The following VAT1L variants were observed in gnomAD, a reference collection of about 807,000 sequenced individuals.
VAT1L encodes putative NADPH-dependent quinone oxidoreductase VAT1L.
VAT1L carries 34 observed loss-of-function variants against 44.1 expected under a neutral mutation model. The observed-to-expected ratio is 0.77, with a 90% CI of 0.59 to 1.03. The LOEUF is 1.03. Among genes scored for constraint, VAT1L ranks in the 50% least tolerant of loss-of-function variants. The probability of loss-of-function intolerance (pLI) is 0.00; values close to 1 mark genes in which losing one functional copy is unlikely to be tolerated. For synonymous variants in VAT1L, 253 were observed against 202.2 expected (o/e 1.25, Z -2.13); for missense variants, 615 against 538.8 (o/e 1.14, Z -1.40).
intron 7 of VAT1L, among the ~76,000 whole-genome samples, chr16:77,951,051 G>A (rs1188333645): frequency 1.3e-5 from 2 of 152,288 alleles, no homozygotes; most frequent in African/African-American, 4.8e-5. Flanking sequence ...CGCGGTCTTG[G>A]CAAAGAAAAT....
intron 1 of VAT1L, among the ~76,000 whole-genome samples, chr16:77,808,872 T>C (rs147772318): frequency 1.7e-3 from 263 of 152,248 alleles, no homozygotes; most frequent in African/African-American, 6.3e-3. Flanking sequence ...GCTGCGATTA[T>C]AGGCGTGAGC....
At chr16:77,863,939 G>A (rs1420519088) in intron 4 of VAT1L, among the ~76,000 whole-genome samples, 1 of 152,198 alleles carries the variant, frequency 6.6e-6, no homozygotes, top group Non-Finnish European at 1.5e-5. Flanking sequence ...AACAATCACT[G>A]GTGGTGCAGA....
chr16:77,866,843 G>A (rs2016979613), intron 4 of VAT1L, among the ~76,000 whole-genome samples: 1 of 152,168 alleles, frequency 6.6e-6, no homozygotes, highest in Non-Finnish European at 1.5e-5. Flanking sequence ...ACCTTGAGTT[G>A]TGTGTACCTA....
intron 7 of VAT1L, among the ~76,000 whole-genome samples, chr16:77,925,316 C>A (rs2017654231): frequency 6.6e-6 from 1 of 152,126 alleles, no homozygotes; most frequent in African/African-American, 2.4e-5. Context: ...AACCATCTAC[C>A]CCTTCTGGTT....
chr16:77,788,777 G>C lies in VAT1L; in HGVS notation c.95G>C (p.Gly32Ala), dbSNP rs562365344. 2 of 1,563,612 alleles carry C rather than the reference G, an allele frequency of 1.3e-6. No individual in the cohort carries two copies. Among genetic ancestry groups the C allele is most frequent in the East Asian group, 2.4e-5 (1 of 42,486 alleles). The change falls in exon 1 of 9, where the codon GGC becomes GCC. Residue 32 changes from glycine (G) to alanine (A), a missense_variant. Coordinates refer to ENST00000302536, the MANE Select transcript of VAT1L (RefSeq NM_020927.3). ...CCGGCGGAGGGCGGCGGCGGCGACG[G>C]CTCGCACCGCCTCGGGGACGCCCAG... ...KEPAEGGGGD[G>A]SHRLGDAQEM...
chr16:77,877,982 T>C (rs2142455119), intron 5 of VAT1L, among the ~76,000 whole-genome samples: 1 of 152,370 alleles, frequency 6.6e-6, no homozygotes, highest in East Asian at 1.9e-4. Flanking sequence ...CAAATGCAGA[T>C]GGACGATGTA....
At chr16:77,903,890 C>T (rs999429116) in intron 7 of VAT1L, among the ~76,000 whole-genome samples, 1 of 151,902 alleles carries the variant, frequency 6.6e-6, no homozygotes, top group Non-Finnish European at 1.5e-5. Context: ...GCGTCCACCA[C>T]CACGCCCAGC....
At position 77,977,934 on chromosome 16, in the gene VAT1L, AAACC is replaced by A. The variant is rs1192186474; in HGVS notation, c.*241_*244del. The stretch of plus-strand genomic sequence containing the variant: ...ACACATTCCCCTCTCCCCTGTATCA[AAACC>A]ATCCATCTGTGGGTTCTTCTTGACA... On this transcript the variant is annotated 3_prime_UTR_variant, in exon 9 of 9. Coordinates refer to ENST00000302536, the MANE Select transcript of VAT1L (RefSeq NM_020927.3). The A allele has an allele frequency of 2.2e-6, 1 of 459,072 alleles. No homozygotes were observed. Among genetic ancestry groups the A allele is most frequent in the Non-Finnish European group, 4.0e-6 (1 of 249,988 alleles). 28.4% of individuals were successfully genotyped at this position (459,072 alleles called of 1,614,324 possible).
intron 4 of VAT1L, among the ~76,000 whole-genome samples, chr16:77,874,299 C>G (rs1019791341): frequency 1.3e-5 from 2 of 152,108 alleles, no homozygotes; most frequent in African/African-American, 4.8e-5. Flanking sequence ...CAGGACCCCA[C>G]TCTCGCAAGA....
At chr16:77,937,681 C>T (rs930301981) in intron 7 of VAT1L, among the ~76,000 whole-genome samples, 4 of 152,236 alleles carry the variant, frequency 2.6e-5, no homozygotes, top group African/African-American at 4.8e-5. Context: ...GCACTCCTCC[C>T]AGTGAATAGG....
intron 7 of VAT1L, among the ~76,000 whole-genome samples, chr16:77,905,255 G>A (rs753477355): frequency 5.9e-5 from 9 of 152,150 alleles, no homozygotes; most frequent in Non-Finnish European, 1.5e-5. Flanking sequence ...AAAACATTAC[G>A]TTTGTTGGCA....
Position 77,877,511 on chromosome 16 carries a change from TCAAAAAAAAAAAAAAAAA to T in VAT1L, c.826+1039_826+1056del, listed in dbSNP as rs1404379110. ...CTGGGCGACAGAGCGGGACTCTGTC[TCAAAAAAAAAAAAAAAAA>T]AAAAAAAAAAAAAACCACATTAGTC... On this transcript the variant is annotated intron_variant, in intron 5 of 8. Coordinates refer to ENST00000302536, the MANE Select transcript of VAT1L (RefSeq NM_020927.3). Among the ~76,000 whole-genome samples the T allele has an allele frequency of 2.3e-3, 70 of 30,490 alleles. No individual in the cohort carries two copies. The South Asian group carries it at 0.06, about 26-fold the overall frequency. The allele number at this position is 30,490 out of a possible 152,430, so 20.0% of individuals were successfully genotyped here. A position where few individuals can be genotyped will look rare whatever the true frequency, so the allele number is the denominator to read the frequency against.
At position 77,879,539 on chromosome 16, in the gene VAT1L, G is replaced by A. The variant is rs1482002604; in HGVS notation, c.882+315G>A. On this transcript the variant is annotated intron_variant, in intron 6 of 8. Coordinates refer to ENST00000302536, the MANE Select transcript of VAT1L (RefSeq NM_020927.3). This position sits in a 1 kb window ranked among gnomAD's most constrained non-coding sequence, Gnocchi z 4.1. ...CTGACCTCGTGATCTGCCCGCCTCA[G>A]CCTCCCAAAGTGCTGGGATTACAGG... Among the ~76,000 whole-genome samples the A allele has an allele frequency of 1.3e-5, 2 of 152,228 alleles. No homozygotes were observed. Among genetic ancestry groups the A allele is most frequent in the African/African-American group, 4.8e-5 (2 of 41,464 alleles).
At chr16:77,862,414 A>G (rs541628542) in intron 3 of VAT1L, among the ~76,000 whole-genome samples, 2 of 152,240 alleles carry the variant, frequency 1.3e-5, no homozygotes, top group Non-Finnish European at 2.9e-5. Flanking sequence ...CAGGAGTTCG[A>G]GACCAGCCTG....
intron 5 of VAT1L, among the ~76,000 whole-genome samples, chr16:77,878,325 CAT>C (rs969678950): frequency 2.0e-5 from 3 of 152,284 alleles, no homozygotes; most frequent in South Asian, 4.1e-4. Context: ...GTAAAATACA[CAT>C]GACTATTTTA....
chr16:77,882,576 G>A (rs568915717), intron 6 of VAT1L, among the ~76,000 whole-genome samples: 2 of 152,216 alleles, frequency 1.3e-5, no homozygotes, highest in Non-Finnish European at 2.9e-5. Flanking sequence ...ATTGAGCACA[G>A]AGAAGTTAAG....
Position 77,879,160 on chromosome 16 carries a change from C to T in VAT1L, c.827-9C>T. ...GCAATTGCTTAATGTGGGAATCTTT[C>T]ATTTTCAGGCTCATCCAACATGGTA... is the stretch of plus-strand genomic sequence containing the variant. On this transcript the variant is annotated splice_polypyrimidine_tract_variant and intron_variant, in intron 5 of 8. Transcript: ENST00000302536. The surrounding 1 kb of genome is among the most constrained non-coding windows in gnomAD (Gnocchi z 4.1). The T allele has an allele frequency of 1.2e-6, 2 of 1,613,880 alleles. No homozygotes were observed. The highest frequency in any genetic ancestry group is 1.7e-6 in the Non-Finnish European group (2 of 1,179,880).
intron 7 of VAT1L, among the ~76,000 whole-genome samples, chr16:77,934,383 T>C (rs1304968279): frequency 1.3e-5 from 2 of 152,120 alleles, no homozygotes; most frequent in African/African-American, 4.8e-5. Flanking sequence ...AAAAGGATTT[T>C]ACAGGTGTGA....
At chr16:77,972,244 T>C (rs1279090981) in intron 8 of VAT1L, among the ~76,000 whole-genome samples, 1 of 152,204 alleles carries the variant, frequency 6.6e-6, no homozygotes, top group Admixed American at 6.5e-5. Flanking sequence ...AAAATTTCAA[T>C]AATTTCACAT....
Sources: allele counts gnomAD v4.1 joint callset (sites outside exome capture counted in the v4.1 genomes callset), GRCh38; gene constraint gnomAD v4.1.1; non-coding constraint Gnocchi (gnomAD v3.1); transcripts MANE v1.5; gene names NCBI Gene and HGNC (gene_info 2026-07-23, HGNC 2026-07-21).